Variants in LRRC42 observed in about 807,000 individuals in gnomAD.
LRRC42 encodes the protein leucine rich repeat containing 42.
LRRC42 carries 43 observed loss-of-function variants against 44.3 expected under a neutral mutation model. The observed-to-expected ratio is 0.97, with a 90% CI of 0.76 to 1.25. The LOEUF is 1.25. Among genes scored for constraint, LRRC42 ranks in the 50% most tolerant of loss-of-function variants. The pLI is 0.00. For missense variants in LRRC42, 540 were observed against 509.1 expected, an observed-to-expected ratio of 1.06 and a Z score of -0.58; for synonymous variants, 207 against 195.2, an observed-to-expected ratio of 1.06 and a Z score of -0.50.
chr1:53,954,850 A>G (rs1654786945), intron 3 of LRRC42, among the ~76,000 whole-genome samples: 2 of 152,240 alleles, frequency 1.3e-5, no homozygotes, highest in South Asian at 4.1e-4. Context: ...ATGTATCAAG[A>G]ACCTTGAAAA....
At chr1:53,962,742 C>T (rs1569845242) in intron 7 of LRRC42, among the ~76,000 whole-genome samples, 1 of 152,178 alleles carries the variant, frequency 6.6e-6, no homozygotes, top group Non-Finnish European at 1.5e-5. Flanking sequence ...AGGACAGATT[C>T]TCTTAGTAGT....
intron 4 of LRRC42, among the ~76,000 whole-genome samples, chr1:53,959,364 T>G (rs1461068453): frequency 6.6e-6 from 1 of 152,230 alleles, no homozygotes; most frequent in African/African-American, 2.4e-5. Context: ...CAGGTTATTC[T>G]GGCCAGCAAA....
chr1:53,958,402 CT>C, intron 4 of LRRC42, 122 bp downstream of exon 4: 1 of 1,303,682 alleles, frequency 7.7e-7, no homozygotes, highest in Non-Finnish European at 1.1e-6. Flanking sequence ...CTTTTTTTTC[CT>C]AAAACATTTT....
At position 53,962,377 on chromosome 1, in the gene LRRC42, A is replaced by G; in HGVS notation, c.895A>G (p.Ser299Gly). Residue 299 changes from serine (S) to glycine (G), a missense_variant, in exon 7 of 9, where the codon AGT becomes GGT. Physicochemically the swap from Ser to Gly is moderately conservative, Grantham distance 56. Coordinates refer to ENST00000371370, the MANE Select transcript of LRRC42 (RefSeq NM_001256409.2). ...SKVPLKEFDH[S>G]NCKTEGWADQ... ...AGTGCCTTTGAAGGAATTTGATCAT[A>G]GTAACTGCAAGACAGAGGGCTGGGC... 2 of 1,613,878 alleles carry G rather than the reference A, an allele frequency of 1.2e-6. No individual in the cohort carries two copies. The highest frequency in any genetic ancestry group is 1.7e-6 in the Non-Finnish European group (2 of 1,179,692).
At chr1:53,959,928 T>C (rs939797698) in intron 4 of LRRC42, among the ~76,000 whole-genome samples, 2 of 151,818 alleles carry the variant, frequency 1.3e-5, no homozygotes, top group African/African-American at 4.8e-5. Flanking sequence ...TCTTTTTTTT[T>C]TTTTTTTTGT....
At chr1:53,965,717 C>T (rs998209329) in intron 7 of LRRC42, among the ~76,000 whole-genome samples, 3 of 152,026 alleles carry the variant, frequency 2.0e-5, no homozygotes, top group African/African-American at 7.2e-5. Context: ...CCTCGTGACC[C>T]GCCCGCCTCG....
chr1:53,959,316 G>C (rs1654930929), intron 4 of LRRC42, among the ~76,000 whole-genome samples: 1 of 152,108 alleles, frequency 6.6e-6, no homozygotes. Flanking sequence ...TAAAGAAATG[G>C]CCCAGTTCAT....
chr1:53,966,033 A>G (rs1244603496), intron 7 of LRRC42, among the ~76,000 whole-genome samples: 3 of 152,250 alleles, frequency 2.0e-5, no homozygotes, highest in Non-Finnish European at 1.5e-5. Context: ...ATAAAGATGA[A>G]AATAGACAGT....
At chr1:53,958,967 C>A (rs991787634) in intron 4 of LRRC42, among the ~76,000 whole-genome samples, 7 of 152,162 alleles carry the variant, frequency 4.6e-5, no homozygotes, top group African/African-American at 1.4e-4. Flanking sequence ...CCCACTGCAA[C>A]CTCCACCTCC....
chr1:53,957,054 A>G (rs780971683), intron 3 of LRRC42, among the ~76,000 whole-genome samples: 1 of 152,190 alleles, frequency 6.6e-6, no homozygotes, highest in Non-Finnish European at 1.5e-5. Flanking sequence ...ATCTGTACCT[A>G]GCTGTCAGGC....
Position 53,952,185 on chromosome 1 carries a change from C to T in LRRC42, c.186C>T (p.Asp62=). Residue 62 remains aspartate, a synonymous_variant, in exon 3 of 9, where the codon GAC becomes GAT. Transcript: ENST00000371370. ...AGCTTTGCATGAACAGGGAAGACGA[C>T]ACTGCACGGAAAGAGAAGACTGATC... ...SVELCMNRED[D]TARKEKTDHF... is the part of the protein sequence containing the mutation. 1 of 1,614,122 alleles carries T rather than the reference C, an allele frequency of 6.2e-7. No individual in the cohort carries two copies. Among genetic ancestry groups the T allele is most frequent in the Non-Finnish European group, 8.5e-7 (1 of 1,179,952 alleles).
Position 53,965,604 on chromosome 1 carries a change from C to T in LRRC42, c.928-692C>T, listed in dbSNP as rs977200696. On this transcript the variant is annotated intron_variant, in intron 7 of 8. Transcript: ENST00000371370. The stretch of plus-strand genomic sequence containing the variant: ...ACGCCATTCTCCTGCCCCAGCCTCC[C>T]GAGTAGCTGGGACTACAGGCGCCTG... 4.6e-5 allele frequency among the ~76,000 whole-genome samples: 7 copies of T among 151,736 alleles called. No individual in the cohort carries two copies. The East Asian group carries it at 5.8e-4, about 13-fold the overall frequency.
intron 4 of LRRC42, 139 bp from the exon 5 acceptor site, chr1:53,960,217 G>A (rs1654956755): frequency 1.6e-6 from 1 of 616,824 alleles, no homozygotes; most frequent in Non-Finnish European, 2.8e-6. Flanking sequence ...GCTTAACTTT[G>A]TTAAATGCAT....
chr1:53,953,812 A>C (rs1299130079), intron 3 of LRRC42, among the ~76,000 whole-genome samples: 1 of 150,818 alleles, frequency 6.6e-6, no homozygotes, highest in African/African-American at 2.4e-5. Flanking sequence ...GCTCACTGCA[A>C]CCTCCACCTC....
intron 5 of LRRC42, among the ~76,000 whole-genome samples, chr1:53,961,085 T>C (rs77215788): frequency 0.025 from 3,747 of 152,276 alleles, 82 homozygotes; most frequent in South Asian, 0.098. Flanking sequence ...ACTTTGAGCA[T>C]TGGTTTTGGC....
At chr1:53,956,008 A>G (rs1213949828) in intron 3 of LRRC42, among the ~76,000 whole-genome samples, 1 of 152,238 alleles carries the variant, frequency 6.6e-6, no homozygotes, top group African/African-American at 2.4e-5. Context: ...TTCAGTTGTT[A>G]TCAAAAACCT....
intron 3 of LRRC42, among the ~76,000 whole-genome samples, chr1:53,957,003 C>T (rs1654859568): frequency 6.6e-6 from 1 of 152,150 alleles, no homozygotes; most frequent in Non-Finnish European, 1.5e-5. Flanking sequence ...CTCCAGGCAC[C>T]TTAGGTTCCA....
At chr1:53,954,828 CA>C (rs1161022103) in intron 3 of LRRC42, among the ~76,000 whole-genome samples, 3 of 152,196 alleles carry the variant, frequency 2.0e-5, no homozygotes, top group African/African-American at 7.2e-5. Context: ...TTTCTGGAAG[CA>C]GTTTAGCAAT....
chr1:53,961,527 C>T (rs1654995666), intron 5 of LRRC42, among the ~76,000 whole-genome samples: 1 of 152,098 alleles, frequency 6.6e-6, no homozygotes, highest in South Asian at 2.1e-4. Flanking sequence ...GCCTTGAGGA[C>T]TCAATGCTAA....
Sources: gnomAD v4.1 joint callset for allele counts (sites outside exome capture counted in the v4.1 genomes callset) on GRCh38, gnomAD v4.1.1 for gene constraint, MANE v1.5 for transcripts, NCBI Gene and HGNC (gene_info 2026-07-23, HGNC 2026-07-21) for gene names.